The following ORC3 variants were observed in gnomAD, a reference collection of about 807,000 sequenced individuals.
ORC3 encodes the protein origin recognition complex subunit 3.
A neutral mutation model predicts 100.7 loss-of-function variants in ORC3; 78 were observed. The ratio of observed to expected loss-of-function variants is 0.77; its 90% CI spans 0.65 to 0.94. The LOEUF is 0.94. Ranked by LOEUF, ORC3 falls within the 40% of genes least tolerant of loss-of-function variation. The pLI is 0.00. For synonymous variants in ORC3, 295 were observed against 289.3 expected, an observed-to-expected ratio of 1.02 and a Z score of -0.20; for missense variants, 789 against 823.9, an observed-to-expected ratio of 0.96 and a Z score of 0.52.
At chr6:87,669,535 A>G (rs1364740926), downstream of ORC3, among the ~76,000 whole-genome samples, 1 of 152,228 alleles carries the variant, frequency 6.6e-6, no homozygotes, top group Non-Finnish European at 1.5e-5. Context: ...GAATCCATGT[A>G]TTAAAGACAG....
At chr6:87,651,963 ATC>A (rs1257706954) in intron 13 of ORC3, among the ~76,000 whole-genome samples, 1 of 147,836 alleles carries the variant, frequency 6.8e-6, no homozygotes, top group East Asian at 2.0e-4. Context: ...CAGTGTCGTG[ATC>A]TCAGCTCGCT....
rs753438783 is a variant in ORC3, at chr6:87,663,061, G to A, written c.1750G>A (p.Ala584Thr). The change falls in exon 17 of 20, where the codon GCC becomes ACC. Residue 584 changes from alanine (A) to threonine (T), a missense_variant. By Grantham distance (58) the Ala-to-Thr change is moderately conservative (BLOSUM62 0). Around this residue, in one of 3 missense-constraint regions of ORC3, gnomAD observed 366 missense variants for 394.2 expected, o/e 0.93. Transcript: ENST00000392844. Reference sequence around the variant, plus strand: ...CCATGAGGTGGTGTACTTCAGTGCTGCCCATGCCCTTCGTGAGCATTTAAA... The same window carrying A: ...CCATGAGGTGGTGTACTTCAGTGCTACCCATGCCCTTCGTGAGCATTTAAA... The part of the protein sequence containing the change: ...PLHEVVYFSA[A>T]HALREHLNAA... 6 of 1,612,850 alleles carry A rather than the reference G, an allele frequency of 3.7e-6. No individual in the cohort carries two copies. The East Asian group carries it at 1.3e-4, about 36-fold the overall frequency.
At chr6:87,593,112 CAAAA>C (rs1009201799) in intron 1 of ORC3, among the ~76,000 whole-genome samples, 3 of 150,580 alleles carry the variant, frequency 2.0e-5, no homozygotes, top group Admixed American at 6.6e-5. Context: ...AACAAACAAA[CAAAA>C]AAAAACTATA....
chr6:87,627,762 A>G (rs2128271936), intron 11 of ORC3, among the ~76,000 whole-genome samples: 1 of 152,342 alleles, frequency 6.6e-6, no homozygotes. Flanking sequence ...CAAGTGTCTA[A>G]GAGCTAGACC....
intron 13 of ORC3, among the ~76,000 whole-genome samples, chr6:87,652,043 C>G (rs568084781): frequency 6.6e-6 from 1 of 151,810 alleles, no homozygotes; most frequent in Non-Finnish European, 1.5e-5. Flanking sequence ...GGACTACAGG[C>G]GCCCACCACT....
the ORC3 span, chr6:87,677,732 G>A: frequency 2.7e-5 from 39 of 1,453,884 alleles, no homozygotes; most frequent in Non-Finnish European, 1.1e-5. Flanking sequence ...CCGCACCAGT[G>A]TATAGAAAGT....
intron 13 of ORC3, among the ~76,000 whole-genome samples, chr6:87,648,074 GCCTGTAGTCCCAGCT>G (rs1290959084): frequency 6.6e-6 from 1 of 152,058 alleles, no homozygotes; most frequent in Non-Finnish European, 1.5e-5. Context: ...GGTGGCATGC[GCCTGTAGTCCCAGCT>G]ACTCTGGAGG....
intron 17 of ORC3, 63 bp from the exon 18 acceptor site, chr6:87,664,680 T>C: frequency 7.5e-7 from 1 of 1,329,260 alleles, no homozygotes. Context: ...GCTTCATTAA[T>C]GTCTGATTTT....
At chr6:87,669,194 C>G (rs1770780395), downstream of ORC3, among the ~76,000 whole-genome samples, 1 of 152,052 alleles carries the variant, frequency 6.6e-6, no homozygotes, top group South Asian at 2.1e-4. Context: ...TGAAATATAT[C>G]TCAAAAAATG....
At chr6:87,632,499 T>C (rs989755744) in intron 11 of ORC3, among the ~76,000 whole-genome samples, 2 of 152,186 alleles carry the variant, frequency 1.3e-5, no homozygotes, top group African/African-American at 4.8e-5. Flanking sequence ...CCAACCACCA[T>C]TTCCTCAGTT....
chr6:87,597,710 C>CACACAT (rs1554234483), intron 2 of ORC3, among the ~76,000 whole-genome samples: 3 of 140,610 alleles, frequency 2.1e-5, no homozygotes, highest in African/African-American at 8.1e-5. Context: ...CACACACACA[C>CACACAT]ATATATATAT....
At chr6:87,656,798 T>TA (rs971235075) in intron 14 of ORC3, 108 bp from the exon 15 acceptor site, 3 of 677,966 alleles carry the variant, frequency 4.4e-6, no homozygotes, top group Admixed American at 5.1e-5. Context: ...CTTGCCACAT[T>TA]AAAAAAATAT....
intron 2 of ORC3, among the ~76,000 whole-genome samples, chr6:87,599,766 A>G (rs1398501776): frequency 6.7e-6 from 1 of 149,096 alleles, no homozygotes; most frequent in Non-Finnish European, 1.5e-5. Context: ...ACTTGAGGTC[A>G]GGTGTTCAAG....
At chr6:87,599,161 G>C (rs912429127) in intron 2 of ORC3, among the ~76,000 whole-genome samples, 4 of 152,154 alleles carry the variant, frequency 2.6e-5, no homozygotes, top group Non-Finnish European at 5.9e-5. Flanking sequence ...ACAGTTTAAA[G>C]TATCCTACTG....
At chr6:87,676,781 A>C in the ORC3 span, among the ~76,000 whole-genome samples, 93 of 148,828 alleles carry the variant, frequency 6.2e-4, 1 homozygote, top group Non-Finnish European at 1.2e-3. Context: ...CTCCATCTTA[A>C]AAAAAAAACA....
chr6:87,594,331 C>G, intron 1 of ORC3, 22 bp from the exon 2 acceptor site: 1 of 1,559,938 alleles, frequency 6.4e-7, no homozygotes, highest in Non-Finnish European at 8.7e-7. Context: ...TGACTTTATG[C>G]TTTTCGTCTT....
intron 4 of ORC3, 103 bp downstream of exon 4, chr6:87,603,631 A>G (rs1013873932): frequency 3.4e-6 from 2 of 590,508 alleles, no homozygotes; most frequent in Non-Finnish European, 5.6e-6. Context: ...TGATGAGCCT[A>G]TTTTGTCTCT....
At chr6:87,637,145 G>A (rs573134092) in intron 13 of ORC3, among the ~76,000 whole-genome samples, 41 of 152,158 alleles carry the variant, frequency 2.7e-4, no homozygotes, top group African/African-American at 9.2e-4. Context: ...GCTAAGTTTC[G>A]CCAGTTTTAT....
At chr6:87,669,967 T>TGTAA (rs1205105133), downstream of ORC3, among the ~76,000 whole-genome samples, 1 of 152,224 alleles carries the variant, frequency 6.6e-6, no homozygotes, top group Admixed American at 6.5e-5. Context: ...CTTTTTACAC[T>TGTAA]GTAAGGTACA....
Sources: allele counts gnomAD v4.1 joint callset (sites outside exome capture counted in the v4.1 genomes callset), GRCh38; gene constraint gnomAD v4.1.1; regional missense constraint gnomAD v4.1.1; transcripts MANE v1.5; gene names NCBI Gene and HGNC (gene_info 2026-07-23, HGNC 2026-07-21).